The following CNTLN variants were observed in gnomAD, a reference collection of about 807,000 sequenced individuals.
CNTLN encodes the protein centlein, centrosomal protein.
Under a neutral mutation model 180.0 loss-of-function variants are expected in CNTLN, and 212 were observed. The ratio of observed to expected loss-of-function variants is 1.18; its 90% CI spans 1.05 to 1.32. CNTLN has a LOEUF of 1.32. Among genes scored for constraint, CNTLN ranks in the 40% most tolerant of loss-of-function variants. The pLI is 0.00. For missense variants in CNTLN, 2,095 were observed against 1,610.9 expected (o/e 1.30, Z -5.14); for synonymous variants, 722 against 563.1 (o/e 1.28, Z -3.99).
chr9:17,405,207 C>G (rs1827284344), intron 15 of CNTLN, among the ~76,000 whole-genome samples: 1 of 151,644 alleles, frequency 6.6e-6, no homozygotes, highest in African/African-American at 2.4e-5. Context: ...TGATATTTAA[C>G]TTCAGTGTCA....
intron 8 of CNTLN, among the ~76,000 whole-genome samples, chr9:17,318,837 ATTCCATCCATCC>A: frequency 6.8e-6 from 1 of 146,690 alleles, no homozygotes; most frequent in East Asian, 2.1e-4. Context: ...TCCATCCTTT[ATTCCATCCATCC>A]ATCCATCCAT....
At position 17,136,767 on chromosome 9, in the gene CNTLN, A is replaced by G. The variant is rs190727181; in HGVS notation, c.360+1342A>G. 8.0e-4 allele frequency among the ~76,000 whole-genome samples: 122 copies of G among 152,264 alleles called. 4 individuals are homozygous for G. The highest frequency in any genetic ancestry group is 5.0e-4 in the Non-Finnish European group (34 of 68,024). ...TAATATGGTGCCCTCTTTTCGTTTT[A>G]CCATTTTTCTGTTCTTCGTTGGATA... On this transcript the variant is annotated intron_variant, in intron 1 of 25. Transcript: ENST00000380647.
chr9:17,412,380 C>T (rs1317663579), intron 16 of CNTLN, among the ~76,000 whole-genome samples: 1 of 152,134 alleles, frequency 6.6e-6, no homozygotes, highest in Non-Finnish European at 1.5e-5. Context: ...CCAGGAAAAC[C>T]TCAACTATAT....
At chr9:17,189,657 T>G (rs773478187) in intron 2 of CNTLN, among the ~76,000 whole-genome samples, 6 of 151,766 alleles carry the variant, frequency 4.0e-5, no homozygotes, top group Non-Finnish European at 7.4e-5. Flanking sequence ...CTAATTTTTT[T>G]TGTATTTTTA....
In CNTLN at chr9:17,235,669, A is replaced by G. The variant is rs564149063; in HGVS notation, c.546A>G (p.Val182=). The G allele has an allele frequency of 6.2e-7, 1 of 1,602,930 alleles. No individual in the cohort carries two copies. The highest frequency in any genetic ancestry group is 8.5e-7 in the Non-Finnish European group (1 of 1,175,244). The change falls in exon 4 of 26, where the codon GTA becomes GTG. Residue 182 remains valine, a synonymous_variant. Coordinates refer to ENST00000380647, the MANE Select transcript of CNTLN (RefSeq NM_017738.4). ...KIQEFEQRES[V]LKQEINDLVK... ...ATTTTTTTCCACAGAGAGAGTCAGT[A>G]CTGAAACAGGAAATAAATGACCTTG...
Position 17,457,498 on chromosome 9 carries a change from A to G in CNTLN, c.3115-26A>G, listed in dbSNP as rs1160723323. ...ATAGTTACTTTTAAAATATATTTATATTTATTTTCTTTTTTTAAAAAAAAG... is the reference window on the plus strand; with the variant it reads ...ATAGTTACTTTTAAAATATATTTATGTTTATTTTCTTTTTTTAAAAAAAAG... On this transcript the variant is annotated intron_variant, in intron 18 of 25. Coordinates refer to ENST00000380647, the MANE Select transcript of CNTLN (RefSeq NM_017738.4). 3.4e-6 allele frequency: 4 copies of G among 1,189,826 alleles called. 1 individual carries two copies. Among genetic ancestry groups the G allele is most frequent in the East Asian group, 6.1e-5 (2 of 32,898 alleles). The allele number at this position is 1,189,826 out of a possible 1,614,324, so 73.7% of individuals were successfully genotyped here.
chr9:17,458,843 G>C (rs1428390368), intron 19 of CNTLN, among the ~76,000 whole-genome samples: 2 of 151,764 alleles, frequency 1.3e-5, no homozygotes, highest in African/African-American at 4.8e-5. Flanking sequence ...TAAAATATTA[G>C]AAATGTGAAG....
chr9:17,164,457 GTTTTTTTTTTTT>G (rs772109564), intron 2 of CNTLN, among the ~76,000 whole-genome samples: 3 of 68,456 alleles, frequency 4.4e-5, no homozygotes, highest in African/African-American at 1.8e-4. Context: ...TTATTTTTAT[GTTTTTTTTTTTT>G]TTTTTTTTTT....
At chr9:17,221,599 A>C (rs1180590229) in intron 2 of CNTLN, among the ~76,000 whole-genome samples, 1 of 152,086 alleles carries the variant, frequency 6.6e-6, no homozygotes, top group African/African-American at 2.4e-5. Flanking sequence ...GTGTGCCTAC[A>C]TCCAAAGGGC....
intron 5 of CNTLN, among the ~76,000 whole-genome samples, chr9:17,251,882 T>C (rs1211695701): frequency 2.0e-5 from 3 of 151,830 alleles, no homozygotes; most frequent in Non-Finnish European, 4.4e-5. Context: ...CCTTTATACA[T>C]TCCCACTCTC....
At chr9:17,266,852 G>T (rs1214124167) in intron 5 of CNTLN, among the ~76,000 whole-genome samples, 1 of 152,094 alleles carries the variant, frequency 6.6e-6, no homozygotes, top group East Asian at 1.9e-4. Context: ...CAGAGACTAG[G>T]ATTGCAACCC....
At chr9:17,308,459 G>C (rs943539637) in intron 7 of CNTLN, among the ~76,000 whole-genome samples, 2 of 151,942 alleles carry the variant, frequency 1.3e-5, no homozygotes, top group African/African-American at 4.8e-5. Flanking sequence ...CCTCCTAGCA[G>C]TAGATACTAA....
At position 17,172,070 on chromosome 9, in the gene CNTLN, C is replaced by T. The variant is rs189342976; in HGVS notation, c.449+28694C>T. ...TTTGGAGTGCAGGTGAATAGTGCAG[C>T]TGTAGTTCTGGGATCTGTTGCATAT... On this transcript the variant is annotated intron_variant, in intron 2 of 25. Coordinates refer to ENST00000380647, the MANE Select transcript of CNTLN (RefSeq NM_017738.4). Among the ~76,000 whole-genome samples, 3 of 152,162 alleles carry T rather than the reference C, an allele frequency of 2.0e-5. No individual in the cohort carries two copies. The East Asian group carries it at 5.8e-4, about 30-fold the overall frequency.
At chr9:17,458,135 C>T (rs188394534) in intron 19 of CNTLN, among the ~76,000 whole-genome samples, 233 of 151,856 alleles carry the variant, frequency 1.5e-3, no homozygotes, top group African/African-American at 5.1e-3. Flanking sequence ...TCTTCTCCCT[C>T]CCATTTATCT....
chr9:17,143,146 C>T, intron 1 of CNTLN, 142 bp from the exon 2 acceptor site: 2 of 553,130 alleles, frequency 3.6e-6, no homozygotes, highest in Non-Finnish European at 3.2e-6. Context: ...AAGTTTTACC[C>T]CATTCCTTTA....
chr9:17,496,792 A>G (rs923829503), intron 25 of CNTLN, among the ~76,000 whole-genome samples: 9 of 152,186 alleles, frequency 5.9e-5, no homozygotes, highest in African/African-American at 2.2e-4. Context: ...TCTAGCGTGT[A>G]TATCTCACCT....
intron 25 of CNTLN, among the ~76,000 whole-genome samples, chr9:17,494,327 A>C (rs760421554): frequency 6.6e-6 from 1 of 152,174 alleles, no homozygotes; most frequent in Non-Finnish European, 1.5e-5. Context: ...ACACTATACA[A>C]TGGTGTCCCC....
intron 6 of CNTLN, among the ~76,000 whole-genome samples, chr9:17,296,349 A>G (rs1817935255): frequency 6.6e-6 from 1 of 152,060 alleles, no homozygotes; most frequent in Non-Finnish European, 1.5e-5. Flanking sequence ...AGATACATAT[A>G]TTTTGTTGTA....
chr9:17,261,800 T>C (rs979391770), intron 5 of CNTLN, among the ~76,000 whole-genome samples: 5 of 151,600 alleles, frequency 3.3e-5, no homozygotes, highest in East Asian at 3.9e-4. Context: ...ACAGTCAACC[T>C]ACAGAATGAA....
Sources: allele counts gnomAD v4.1 joint callset (sites outside exome capture counted in the v4.1 genomes callset), GRCh38; gene constraint gnomAD v4.1.1; transcripts MANE v1.5; gene names NCBI Gene and HGNC (gene_info 2026-07-23, HGNC 2026-07-21).